The following PDZD4 variants were observed in gnomAD, a reference collection of about 807,000 sequenced individuals.
PDZD4 encodes PDZ domain containing 4.
PDZD4 carries 9 observed loss-of-function variants against 38.5 expected under a neutral mutation model. The observed-to-expected ratio is 0.23, with a 90% confidence interval of 0.14 to 0.41. The LOEUF (loss-of-function observed/expected upper bound fraction) is 0.41, where lower values mean the gene tolerates loss of function less well. Among genes scored for constraint, PDZD4 ranks in the 10% least tolerant of loss-of-function variants. The pLI is 1.00. For synonymous variants in PDZD4, 349 were observed against 315.7 expected, an observed-to-expected ratio of 1.11 and a Z score of -1.12; for missense variants, 612 against 722.0, an observed-to-expected ratio of 0.85 and a Z score of 1.75.
chrX:153,818,054 T>C (rs1037918788), intron 1 of PDZD4, among the ~76,000 whole-genome samples: 3 of 112,141 alleles, frequency 2.7e-5, no homozygotes, highest in African/African-American at 9.7e-5. Flanking sequence ...GAGACCAGCT[T>C]GGCCAACATG....
At chrX:153,816,073 TGCCCACCCAGCGGCCTGCA>T (rs1251121997) in intron 1 of PDZD4, among the ~76,000 whole-genome samples, 1 of 98,393 alleles carries the variant, frequency 1.0e-5, no homozygotes, top group African/African-American at 3.6e-5. Context: ...AGGGAGCCGG[TGCCCACCCAGCGGCCTGCA>T]GCCCAAGGCA....
chrX:153,813,923 G>A (rs73635309), intron 1 of PDZD4, among the ~76,000 whole-genome samples: 1,785 of 112,170 alleles, frequency 0.016, 37 homozygotes, highest in African/African-American at 0.055. Flanking sequence ...ACAGTTTGCT[G>A]AAGATAAAAC....
At chrX:153,821,208 A>G (rs2064419504) in intron 1 of PDZD4, among the ~76,000 whole-genome samples, 1 of 110,809 alleles carries the variant, frequency 9.0e-6, no homozygotes. Context: ...AGACAGAAAC[A>G]TGGGAGGGCT....
chrX:153,814,230 T>C (rs1718778052), intron 1 of PDZD4, among the ~76,000 whole-genome samples: 1 of 111,401 alleles, frequency 9.0e-6, no homozygotes, highest in Non-Finnish European at 1.9e-5. Flanking sequence ...TCCCAGCACT[T>C]TGGGAGGCCA....
At chrX:153,806,220 C>T in intron 4 of PDZD4, 87 bp from the exon 5 acceptor site, 1 of 951,490 alleles carries the variant, frequency 1.1e-6, no homozygotes, top group South Asian at 2.0e-5. Flanking sequence ...GCCCCCAAAG[C>T]AAGCTGAAGG....
At chrX:153,817,542 G>A (rs1047858421) in intron 1 of PDZD4, among the ~76,000 whole-genome samples, 17 of 111,989 alleles carry the variant, frequency 1.5e-4, no homozygotes, top group Non-Finnish European at 3.0e-4. Context: ...CTGGAGGAAG[G>A]GGGGCCTGGG....
intron 6 of PDZD4, 107 bp downstream of exon 6, chrX:153,805,398 C>CCCCCCAAAA: frequency 1.8e-6 from 1 of 553,471 alleles, no homozygotes; most frequent in Admixed American, 2.9e-5. Flanking sequence ...ACCCGCCCTC[C>CCCCCCAAAA]ATCAACTCCA....
In PDZD4 at chrX:153,804,403, C is replaced by T. The variant is rs1557076034; in HGVS notation, c.1278G>A (p.Gln426=). The stretch of plus-strand genomic sequence containing the variant: ...AGCGCTCACGCAGCTGCTGCATCTT[C>T]TGCGCCCGCAGTATGTTGCGGCACT... The part of the protein sequence containing the change: ...EFKCRNILRA[Q]KMQQLRERCM... Residue 426 remains glutamine, a synonymous_variant, in exon 8 of 8, where the codon CAG becomes CAA. Transcript: ENST00000393758. 8.3e-7 allele frequency: 1 copy of T among 1,210,035 alleles called. No individual in the cohort carries two copies. Among genetic ancestry groups the T allele is most frequent in the Admixed American group, 2.2e-5 (1 of 46,171 alleles).
chrX:153,809,126 G>A (rs2148462550), intron 1 of PDZD4, among the ~76,000 whole-genome samples: 1 of 112,598 alleles, frequency 8.9e-6, no homozygotes, highest in Non-Finnish European at 1.9e-5. Context: ...TACTCACTAG[G>A]GAGGGCCAGG....
Position 153,822,123 on chromosome X carries a change from G to A in PDZD4, c.60+8116C>T, listed in dbSNP as rs781895959. Among the ~76,000 whole-genome samples the A allele has an allele frequency of 7.6e-5, 8 of 104,670 alleles. No homozygotes were observed. In the South Asian group the frequency reaches 1.4e-3, roughly 18 times the overall value. The allele number at this position is 104,670 out of a possible 115,157, so 90.9% of individuals were successfully genotyped here. ...AATTGCTTGAACCCAGGAGGCGGAGGCTGCAATGAGCCGAGATCACAACAC... is the reference window on the plus strand; with the variant it reads ...AATTGCTTGAACCCAGGAGGCGGAGACTGCAATGAGCCGAGATCACAACAC... On this transcript the variant is annotated intron_variant, in intron 1 of 7. Coordinates refer to ENST00000393758, the MANE Select transcript of PDZD4 (RefSeq NM_001303512.2).
intron 1 of PDZD4, among the ~76,000 whole-genome samples, chrX:153,810,018 C>A (rs1292681173): frequency 8.9e-6 from 1 of 112,782 alleles, no homozygotes; most frequent in African/African-American, 3.2e-5. Context: ...ACCTTCAAGT[C>A]CTCCTTGGGG....
intron 1 of PDZD4, among the ~76,000 whole-genome samples, chrX:153,815,962 T>C (rs1462414330): frequency 1.0e-5 from 1 of 98,475 alleles, no homozygotes; most frequent in African/African-American, 3.8e-5. Flanking sequence ...CAACCCAGCA[T>C]CTGAGCAGAA....
At chrX:153,816,976 C>T (rs1415094651) in intron 1 of PDZD4, among the ~76,000 whole-genome samples, 1 of 110,654 alleles carries the variant, frequency 9.0e-6, no homozygotes, top group Admixed American at 9.6e-5. Context: ...AAGAAGACAT[C>T]GAATAAGCGC....
chrX:153,805,756 G>A (rs1211470826), intron 5 of PDZD4, 150 bp from the exon 6 acceptor site: 2 of 493,493 alleles, frequency 4.1e-6, no homozygotes, highest in African/African-American at 4.7e-5. Flanking sequence ...GAAGGTACCA[G>A]GGAGAGGGCG....
intron 1 of PDZD4, among the ~76,000 whole-genome samples, chrX:153,816,998 C>T (rs948855770): frequency 1.8e-5 from 2 of 110,855 alleles, no homozygotes; most frequent in South Asian, 3.8e-4. Flanking sequence ...GGAAAAGACG[C>T]GTCAGCACCG....
At chrX:153,819,933 C>T (rs1291137717) in intron 1 of PDZD4, among the ~76,000 whole-genome samples, 1 of 112,163 alleles carries the variant, frequency 8.9e-6, no homozygotes, top group Admixed American at 9.4e-5. Flanking sequence ...AAGCAAGATG[C>T]CATCAGTCCC....
intron 1 of PDZD4, among the ~76,000 whole-genome samples, chrX:153,812,474 C>T (rs1215714789): frequency 9.0e-6 from 1 of 110,577 alleles, no homozygotes; most frequent in East Asian, 2.9e-4. Flanking sequence ...GGCGGGCTGG[C>T]GGAGGCTGGG....
At chrX:153,823,762 C>T (rs1421501914) in intron 1 of PDZD4, among the ~76,000 whole-genome samples, 1 of 112,294 alleles carries the variant, frequency 8.9e-6, no homozygotes, top group Non-Finnish European at 1.9e-5. Context: ...CAATGGCCCT[C>T]GGACGCAAGC....
intron 1 of PDZD4, chrX:153,829,765 C>T (rs1412523778): frequency 4.0e-6 from 3 of 754,303 alleles, no homozygotes; most frequent in African/African-American, 4.6e-5. Context: ...GCCCATCGTT[C>T]GGGCAGGGCC....
Sources: gnomAD v4.1 joint callset for allele counts (sites outside exome capture counted in the v4.1 genomes callset) on GRCh38, gnomAD v4.1.1 for gene constraint, MANE v1.5 for transcripts, NCBI Gene and HGNC (gene_info 2026-07-23, HGNC 2026-07-21) for gene names.